SPIRE1: variants seen among roughly 807,000 people sequenced by gnomAD.
SPIRE1 encodes protein spire homolog 1.
SPIRE1 carries 40 observed loss-of-function variants against 94.1 expected under a neutral mutation model. That is an observed-to-expected ratio of 0.43 (90% CI 0.33 to 0.55). The LOEUF (loss-of-function observed/expected upper bound fraction) is 0.55. Ranked by LOEUF, SPIRE1 falls within the 20% of genes least tolerant of loss-of-function variation. The probability of loss-of-function intolerance (pLI) is 0.06; values close to 1 mark genes in which losing one functional copy is unlikely to be tolerated. For missense variants in SPIRE1, 838 were observed against 975.2 expected (o/e 0.86, Z 1.87); for synonymous variants, 376 against 371.7 (o/e 1.01, Z -0.13).
intron 2 of SPIRE1, among the ~76,000 whole-genome samples, chr18:12,613,453 TC>T (rs1324270641): frequency 5.3e-5 from 8 of 152,250 alleles, no homozygotes; most frequent in African/African-American, 1.9e-4. Context: ...CTTAAATAGT[TC>T]TATTCCTTCT....
chr18:12,455,690 G>A (rs898197579), intron 12 of SPIRE1, among the ~76,000 whole-genome samples: 3 of 152,150 alleles, frequency 2.0e-5, no homozygotes, highest in East Asian at 1.9e-4. Flanking sequence ...TTGTGCATTC[G>A]GACCCTGCCA....
At chr18:12,654,781 G>A (rs1302627870) in intron 1 of SPIRE1, among the ~76,000 whole-genome samples, 4 of 152,232 alleles carry the variant, frequency 2.6e-5, no homozygotes, top group Non-Finnish European at 2.9e-5. Flanking sequence ...TGCAATCCCA[G>A]CACTTTGGGA....
At chr18:12,514,946 T>G (rs1398539335) in intron 4 of SPIRE1, among the ~76,000 whole-genome samples, 1 of 152,204 alleles carries the variant, frequency 6.6e-6, no homozygotes. Context: ...TAAGCTGGTT[T>G]GGAACCTTAG....
chr18:12,611,808 C>T (rs557848124), intron 2 of SPIRE1, among the ~76,000 whole-genome samples: 1 of 151,150 alleles, frequency 6.6e-6, no homozygotes, highest in Non-Finnish European at 1.5e-5. Flanking sequence ...GGACTATAGG[C>T]GTGCACCACC....
At chr18:12,637,651 A>T (rs1204894273) in intron 1 of SPIRE1, among the ~76,000 whole-genome samples, 1 of 152,160 alleles carries the variant, frequency 6.6e-6, no homozygotes. Context: ...ACTTCAAAAC[A>T]TTTCCTAGCT....
At chr18:12,522,749 C>A (rs1013523413) in intron 4 of SPIRE1, among the ~76,000 whole-genome samples, 3 of 152,168 alleles carry the variant, frequency 2.0e-5, no homozygotes, top group Non-Finnish European at 4.4e-5. Flanking sequence ...TCTACTCTGT[C>A]TGTGCTCTAT....
intron 4 of SPIRE1, among the ~76,000 whole-genome samples, chr18:12,516,731 A>G (rs1345180885): frequency 6.6e-6 from 1 of 152,190 alleles, no homozygotes; most frequent in Non-Finnish European, 1.5e-5. Flanking sequence ...GAGAAGCAGC[A>G]AAATATATTC....
At chr18:12,547,916 C>G (rs2035219796) in intron 2 of SPIRE1, among the ~76,000 whole-genome samples, 1 of 119,238 alleles carries the variant, frequency 8.4e-6, no homozygotes, top group Admixed American at 8.2e-5. Context: ...AACTCTATCT[C>G]ATAAAAACAA....
At chr18:12,478,561 GTGTGTGTGTGAAGCTAGGGTGTGTATGTA>G (rs1253974343) in intron 10 of SPIRE1, among the ~76,000 whole-genome samples, 12 of 149,726 alleles carry the variant, frequency 8.0e-5, no homozygotes, top group African/African-American at 2.7e-4. Context: ...TGAAGCTAGG[GTGTGTGTGTGAAGCTAGGGTGTGTATGTA>G]TGTGTGTGTG....
At chr18:12,516,335 A>C (rs1327691983) in intron 4 of SPIRE1, 1 of 152,240 alleles carries the variant, frequency 6.6e-6, no homozygotes, top group Non-Finnish European at 1.5e-5. Context: ...CTAAGTGGGT[A>C]TATGACTCCA....
chr18:12,633,681 CA>C (rs1444871246), intron 2 of SPIRE1, among the ~76,000 whole-genome samples: 2 of 152,100 alleles, frequency 1.3e-5, no homozygotes, highest in African/African-American at 4.8e-5. Flanking sequence ...GCCTACATTT[CA>C]TTTAAAACAA....
intron 3 of SPIRE1, among the ~76,000 whole-genome samples, chr18:12,537,796 A>T (rs1231410717): frequency 2.0e-5 from 3 of 152,232 alleles, no homozygotes; most frequent in African/African-American, 7.2e-5. Context: ...AATTTAACCA[A>T]GGAGGTGTAA....
upstream of SPIRE1, chr18:12,658,226 C>G: frequency 1.9e-6 from 1 of 535,338 alleles, no homozygotes; most frequent in Non-Finnish European, 3.2e-6. Flanking sequence ...GGCAGGAGGG[C>G]CTCGCCTCGA....
At chr18:12,657,452 G>C in intron 1 of SPIRE1, 78 bp downstream of exon 1, 1 of 1,133,970 alleles carries the variant, frequency 8.8e-7, no homozygotes, top group Non-Finnish European at 1.1e-6. Flanking sequence ...GGGCGGAAGG[G>C]CCGGGGACGC....
At chr18:12,524,983 A>AG (rs2034463595) in intron 4 of SPIRE1, among the ~76,000 whole-genome samples, 1 of 149,876 alleles carries the variant, frequency 6.7e-6, no homozygotes, top group South Asian at 2.1e-4. Context: ...AGGAAGAAGA[A>AG]AAAAAAAAAG....
At chr18:12,612,831 C>A (rs2037180888) in intron 2 of SPIRE1, among the ~76,000 whole-genome samples, 1 of 152,200 alleles carries the variant, frequency 6.6e-6, no homozygotes, top group African/African-American at 2.4e-5. Context: ...GCTCTTCCCC[C>A]AGATATCTCA....
chr18:12,639,928 C>T (rs1328794825), intron 1 of SPIRE1, among the ~76,000 whole-genome samples: 2 of 151,778 alleles, frequency 1.3e-5, no homozygotes, highest in Middle Eastern at 3.4e-3. Flanking sequence ...ACAGAAAAGC[C>T]TATGCCTTCC....
chr18:12,481,058 G>A (rs1311030386), intron 9 of SPIRE1, among the ~76,000 whole-genome samples: 2 of 152,130 alleles, frequency 1.3e-5, no homozygotes, highest in East Asian at 1.9e-4. Context: ...GGCCCGGCAT[G>A]GTGGCTCACG....
intron 10 of SPIRE1, among the ~76,000 whole-genome samples, chr18:12,478,398 G>A (rs554991822): frequency 9.9e-5 from 15 of 150,956 alleles, no homozygotes; most frequent in African/African-American, 2.9e-4. Context: ...GCGCATGTGC[G>A]CGTGTAGCTA....
Sources: gnomAD v4.1 joint callset for allele counts (sites outside exome capture counted in the v4.1 genomes callset) on GRCh38, gnomAD v4.1.1 for gene constraint, MANE v1.5 for transcripts, NCBI Gene and HGNC (gene_info 2026-07-23, HGNC 2026-07-21) for gene names.